The following CEP128 variants were observed in gnomAD, a reference collection of about 807,000 sequenced individuals.
CEP128 encodes the protein centrosomal protein 128.
Under a neutral mutation model 156.7 loss-of-function variants are expected in CEP128, and 132 were observed. The ratio of observed to expected loss-of-function variants is 0.84; its 90% confidence interval spans 0.73 to 0.97. The LOEUF (loss-of-function observed/expected upper bound fraction) is 0.97. Among genes scored for constraint, CEP128 ranks in the 50% least tolerant of loss-of-function variants. CEP128 has a pLI of 0.00. For missense variants in CEP128, 1,252 were observed against 1,281.9 expected (o/e 0.98, Z 0.36); for synonymous variants, 469 against 448.9 (o/e 1.04, Z -0.57).
intron 2 of CEP128, among the ~76,000 whole-genome samples, chr14:80,934,630 C>A (rs1236439958): frequency 4.6e-5 from 7 of 152,078 alleles, no homozygotes; most frequent in Non-Finnish European, 1.0e-4. Flanking sequence ...TCTGAGTGTC[C>A]GGCACATTCA....
At chr14:80,757,476 A>G (rs928593280) in intron 17 of CEP128, among the ~76,000 whole-genome samples, 5 of 152,212 alleles carry the variant, frequency 3.3e-5, no homozygotes, top group Admixed American at 1.3e-4. Context: ...TTGTATTTCA[A>G]TAGTTCATCT....
chr14:80,914,469 T>C (rs1259662785), intron 3 of CEP128, 61 bp from the exon 4 acceptor site: 1 of 1,233,624 alleles, frequency 8.1e-7, no homozygotes, highest in African/African-American at 1.5e-5. Flanking sequence ...TAATCAATCT[T>C]AGTAGTATGT....
chr14:80,642,016 G>A (rs1329902402), intron 19 of CEP128, among the ~76,000 whole-genome samples: 1 of 143,754 alleles, frequency 7.0e-6, no homozygotes, highest in Non-Finnish European at 1.5e-5. Context: ...TGTGAACCCG[G>A]GAGGCGGAGC....
intron 14 of CEP128, 105 bp from the exon 15 acceptor site, chr14:80,785,650 A>G (rs1430512664): frequency 2.5e-6 from 2 of 790,978 alleles, no homozygotes; most frequent in Non-Finnish European, 3.8e-6. Flanking sequence ...ACAAGGAAAA[A>G]AAAAATTCAT....
intron 13 of CEP128, among the ~76,000 whole-genome samples, chr14:80,802,928 A>C (rs983724853): frequency 1.3e-5 from 2 of 152,236 alleles, no homozygotes; most frequent in African/African-American, 4.8e-5. Context: ...ATTGAATTTC[A>C]GCAACCAAAT....
chr14:80,732,100 C>CA (rs1697363299), intron 19 of CEP128, among the ~76,000 whole-genome samples: 1 of 152,130 alleles, frequency 6.6e-6, no homozygotes, highest in South Asian at 2.1e-4. Context: ...ACATCCATTA[C>CA]ATGTTTACTT....
At chr14:80,895,008 TAAATGAATA>T (rs1161578692) in intron 8 of CEP128, among the ~76,000 whole-genome samples, 2 of 151,908 alleles carry the variant, frequency 1.3e-5, no homozygotes, top group Non-Finnish European at 2.9e-5. Context: ...GAGAAATAAA[TAAATGAATA>T]AATACACTCC....
chr14:80,679,926 C>A lies in CEP128; in HGVS notation c.2806+63149G>T, dbSNP rs1896247891. On this transcript the variant is annotated intron_variant, in intron 19 of 24. Coordinates refer to ENST00000555265, the MANE Select transcript of CEP128 (RefSeq NM_152446.5). ...TGTACTCTTTCTCTTTATTTCTCAGCTAGCCGACACTTAGGGAAAATAGAA... is the reference window on the plus strand; with the variant it reads ...TGTACTCTTTCTCTTTATTTCTCAGATAGCCGACACTTAGGGAAAATAGAA... 2.6e-5 allele frequency among the ~76,000 whole-genome samples: 4 copies of A among 152,214 alleles called. No homozygotes were observed. The South Asian group carries it at 8.3e-4, about 32-fold the overall frequency.
chr14:80,479,016 C>T (rs1250404014), intron 14 of CEP128, among the ~76,000 whole-genome samples: 1 of 152,102 alleles, frequency 6.6e-6, no homozygotes, highest in Admixed American at 6.6e-5. Context: ...TTATGATGAG[C>T]CTGTGTGTGC....
rs372375942 is a variant in CEP128 at position 80,921,368 on chromosome 14, T to G, written c.-15-4806A>C. 1.4e-3 allele frequency among the ~76,000 whole-genome samples: 206 copies of G among 152,240 alleles called. 7 individuals are homozygous for G. The South Asian group carries it at 0.042, about 31-fold the overall frequency. On this transcript the variant is annotated intron_variant, in intron 2 of 24. Transcript: ENST00000555265. ...AAGAAGAAGAGAGACGAAATAAGTA[T>G]GCTTGGCCCCCTCACCAGGTGATAC...
intron 19 of CEP128, among the ~76,000 whole-genome samples, chr14:80,595,546 G>A (rs1892277299): frequency 6.6e-6 from 1 of 152,108 alleles, no homozygotes. Context: ...TGATATGGTG[G>A]TATCACATAG....
At chr14:80,944,524 A>G (rs1886280804), upstream of CEP128, among the ~76,000 whole-genome samples, 1 of 152,182 alleles carries the variant, frequency 6.6e-6, no homozygotes, top group Admixed American at 6.5e-5. Context: ...CTGTAAGTCA[A>G]TCAAACCACT....
Position 80,955,579 on chromosome 14 carries a change from C to T in CEP128, c.-172+2599G>A, listed in dbSNP as rs1886616129. The T allele has an allele frequency of 2.8e-6, 4 of 1,451,444 alleles. No individual in the cohort carries two copies. The highest frequency in any genetic ancestry group is 2.3e-5 in the South Asian group (2 of 87,042). 89.9% of individuals were successfully genotyped at this position (1,451,444 alleles called of 1,614,324 possible). A position where few individuals can be genotyped will look rare whatever the true frequency, so the allele number is the denominator to read the frequency against. ...CTTGGAGCCCTCCCTCTTCCCACCC[C>T]TCCCGCTCCCGGGTCTCCTTTGGCC... On this transcript the variant is annotated intron_variant, in intron 2 of 7. Coordinates refer to the CEP128 transcript ENST00000555529.
chr14:80,843,212 A>G (rs1390203952), intron 9 of CEP128, among the ~76,000 whole-genome samples: 1 of 152,060 alleles, frequency 6.6e-6, no homozygotes, highest in African/African-American at 2.4e-5. Flanking sequence ...ATAGGGAATT[A>G]AAGGCCCTTT....
At chr14:80,534,647 A>G (rs967307988) in intron 21 of CEP128, among the ~76,000 whole-genome samples, 1 of 152,002 alleles carries the variant, frequency 6.6e-6, no homozygotes, top group Non-Finnish European at 1.5e-5. Flanking sequence ...AACACGGTGA[A>G]ACCCCATCTC....
intron 19 of CEP128, among the ~76,000 whole-genome samples, chr14:80,671,300 A>G (rs1263575809): frequency 6.6e-6 from 1 of 152,220 alleles, no homozygotes; most frequent in Non-Finnish European, 1.5e-5. Flanking sequence ...TCTTTTTGAA[A>G]TAAATACAGG....
intron 19 of CEP128, among the ~76,000 whole-genome samples, chr14:80,665,368 G>C (rs1191947735): frequency 6.6e-6 from 1 of 152,154 alleles, no homozygotes; most frequent in Non-Finnish European, 1.5e-5. Context: ...TAATTAACTT[G>C]GGAGAAAAGG....
At chr14:80,663,025 GAC>G (rs1389998003) in intron 19 of CEP128, among the ~76,000 whole-genome samples, 1 of 152,152 alleles carries the variant, frequency 6.6e-6, no homozygotes, top group African/African-American at 2.4e-5. Context: ...CCTTGACAAT[GAC>G]AGTGTTGAAT....
downstream of CEP128, among the ~76,000 whole-genome samples, chr14:80,495,894 T>C (rs1594908917): frequency 6.6e-6 from 1 of 152,210 alleles, no homozygotes; most frequent in Non-Finnish European, 1.5e-5. Context: ...AAACCATCAA[T>C]GGAAATACAT....
Sources: gnomAD v4.1 joint callset for allele counts (sites outside exome capture counted in the v4.1 genomes callset) on GRCh38, gnomAD v4.1.1 for gene constraint, MANE v1.5 for transcripts, NCBI Gene and HGNC (gene_info 2026-07-23, HGNC 2026-07-21) for gene names.